Variants in SSPN observed in about 807,000 individuals in gnomAD.
The protein encoded by SSPN is K-ras oncogene-associated protein.
SSPN carries 15 observed loss-of-function variants against 19.1 expected under a neutral mutation model. The ratio of observed to expected loss-of-function variants is 0.78; its 90% CI spans 0.52 to 1.21. The LOEUF (loss-of-function observed/expected upper bound fraction) is 1.21. Ranked by LOEUF, SSPN falls within the 50% of genes most tolerant of loss-of-function variation. SSPN has a pLI of 0.00. For synonymous variants in SSPN, 147 were observed against 140.3 expected, an observed-to-expected ratio of 1.05 and a Z score of -0.34; for missense variants, 291 against 314.0, an observed-to-expected ratio of 0.93 and a Z score of 0.55.
At chr12:26,122,107 C>G (rs1459202755) in exon 1 of SSPN, 1 of 1,549,590 alleles carries the variant, frequency 6.5e-7, no homozygotes, top group Admixed American at 2.0e-5. Flanking sequence ...TCTTCCTGAG[C>G]AGAGCTCTCC....
rs373455398 is a variant in SSPN at position 26,224,244 on chromosome 12, C to T, written c.280-49C>T. ...GATACTGAGACTGATGTCATTTGAACGCACAACGTACCCTGATAACATCCT... is the reference window on the plus strand; with the variant it reads ...GATACTGAGACTGATGTCATTTGAATGCACAACGTACCCTGATAACATCCT... On this transcript the variant is annotated intron_variant, in intron 1 of 2. Coordinates refer to ENST00000242729, the MANE Select transcript of SSPN (RefSeq NM_005086.5). 31 of 1,342,888 alleles carry T rather than the reference C, an allele frequency of 2.3e-5. 1 individual carries two copies. Among genetic ancestry groups the T allele is most frequent in the South Asian group, 1.5e-4 (13 of 84,788 alleles). 83.2% of individuals were successfully genotyped at this position (1,342,888 alleles called of 1,614,324 possible). A position where few individuals can be genotyped will look rare whatever the true frequency, so the allele number is the denominator to read the frequency against.
chr12:26,185,969 A>G (rs943463967), intron 1 of SSPN, among the ~76,000 whole-genome samples: 1 of 152,212 alleles, frequency 6.6e-6, no homozygotes, highest in East Asian at 1.9e-4. Context: ...GTTGCTTGGC[A>G]ATATCAGGCA....
chr12:26,138,451 TA>T (rs1944441238), intron 1 of SSPN, among the ~76,000 whole-genome samples: 1 of 152,200 alleles, frequency 6.6e-6, no homozygotes, highest in Non-Finnish European at 1.5e-5. Flanking sequence ...ATTTTCTAGA[TA>T]GGGGCTATCC....
chr12:26,197,637 C>A (rs1189741611), intron 1 of SSPN, among the ~76,000 whole-genome samples: 1 of 152,168 alleles, frequency 6.6e-6, no homozygotes, highest in African/African-American at 2.4e-5. Flanking sequence ...AAGGCATGAA[C>A]ATAAAAACCA....
chr12:26,219,079 C>T (rs1376250715), intron 1 of SSPN, among the ~76,000 whole-genome samples: 6 of 152,012 alleles, frequency 3.9e-5, no homozygotes, highest in South Asian at 2.1e-4. Flanking sequence ...CACGATGAAA[C>T]GGGGGTAAGG....
At chr12:26,132,669 G>C (rs572545899) in intron 1 of SSPN, among the ~76,000 whole-genome samples, 1 of 152,172 alleles carries the variant, frequency 6.6e-6, no homozygotes, top group Admixed American at 6.5e-5. Context: ...GGGGATGCCT[G>C]TTCAACACCC....
At position 26,233,342 on chromosome 12, in the gene SSPN, A is replaced by C. The variant is rs1945254742; in HGVS notation, c.*2266A>C. The C allele has an allele frequency of 6.7e-6, 1 of 149,300 alleles. No homozygotes were observed. The highest frequency in any genetic ancestry group is 6.6e-5 in the Admixed American group (1 of 15,094). 9.2% of individuals were successfully genotyped at this position (149,300 alleles called of 1,614,324 possible). On this transcript the variant is annotated 3_prime_UTR_variant, in exon 3 of 3. Coordinates refer to ENST00000242729, the MANE Select transcript of SSPN (RefSeq NM_005086.5). The surrounding 1 kb of genome is among the most constrained non-coding windows in gnomAD (Gnocchi z 4.3). The stretch of plus-strand genomic sequence containing the variant: ...TATAACCGTCAGGAGATATATATAT[A>C]TATATATACACATACACACACACAC...
chr12:26,211,069 G>A (rs933531861), intron 1 of SSPN: 1 of 152,128 alleles, frequency 6.6e-6, no homozygotes, highest in Non-Finnish European at 1.5e-5. Context: ...GGTTGAAAGA[G>A]TAGTACCATT....
chr12:26,193,262 A>T (rs1359855930), upstream of SSPN, among the ~76,000 whole-genome samples: 13 of 152,192 alleles, frequency 8.5e-5, no homozygotes, highest in Admixed American at 8.5e-4. Context: ...AAAGCAGTTA[A>T]TCCTTTAGAC....
At chr12:26,124,873 T>C in intron 1 of SSPN, 1 of 1,230,778 alleles carries the variant, frequency 8.1e-7, no homozygotes, top group Non-Finnish European at 1.2e-6. Context: ...GGGGGATCTG[T>C]GCGTCTCCAG....
rs374250852 is a variant in SSPN, at chr12:26,172,217, G to A, written c.-31+50065G>A. ...GGGTAATAGATTCTGCTTATTCAGC[G>A]TAAAGTATACATTCACCTTAGAATT... On this transcript the variant is annotated intron_variant, in intron 1 of 2. Coordinates refer to the SSPN transcript ENST00000538142. Among the ~76,000 whole-genome samples the A allele has an allele frequency of 5.3e-5, 8 of 152,208 alleles. No homozygotes were observed. The South Asian group carries it at 8.3e-4, about 16-fold the overall frequency.
chr12:26,124,741 T>C lies in SSPN; in HGVS notation c.-31+2589T>C, dbSNP rs879149646. ...ACCCTATAAAATCTCTATGTTCCAG[T>C]AACTGTCTCTCTTGCAAATGAGGAA... On this transcript the variant is annotated intron_variant, in intron 1 of 2. Transcript: ENST00000538142. 3 of 1,614,220 alleles carry C rather than the reference T, an allele frequency of 1.9e-6. No homozygotes were observed. The South Asian group carries it at 3.3e-5, about 18-fold the overall frequency.
At chr12:26,177,795 G>A (rs904952588) in intron 1 of SSPN, among the ~76,000 whole-genome samples, 3 of 152,138 alleles carry the variant, frequency 2.0e-5, no homozygotes, top group African/African-American at 7.2e-5. Context: ...TTCTGTGCCG[G>A]CTGGCTCTTT....
intron 1 of SSPN, among the ~76,000 whole-genome samples, chr12:26,208,024 G>A (rs945769675): frequency 6.6e-6 from 1 of 151,002 alleles, no homozygotes; most frequent in East Asian, 2.0e-4. Flanking sequence ...GTGGTGGGGG[G>A]GGGGGATATA....
intron 1 of SSPN, chr12:26,123,621 C>G (rs1591839349): frequency 6.2e-7 from 1 of 1,603,812 alleles, no homozygotes; most frequent in Admixed American, 1.7e-5. Flanking sequence ...CCTCCCTGAA[C>G]TGACTTACCA....
chr12:26,217,758 C>T (rs1438625915), intron 1 of SSPN, among the ~76,000 whole-genome samples: 1 of 150,294 alleles, frequency 6.7e-6, no homozygotes, highest in Non-Finnish European at 1.5e-5. Flanking sequence ...CCATCAATAC[C>T]TAATTTATTG....
At chr12:26,153,049 T>C (rs940621315) in intron 1 of SSPN, among the ~76,000 whole-genome samples, 2 of 152,254 alleles carry the variant, frequency 1.3e-5, no homozygotes, top group Non-Finnish European at 2.9e-5. Flanking sequence ...GTTCAGGTTC[T>C]AGCTGAAGTA....
At chr12:26,133,403 G>C (rs1944407156) in intron 1 of SSPN, among the ~76,000 whole-genome samples, 1 of 151,974 alleles carries the variant, frequency 6.6e-6, no homozygotes. Context: ...CCACACTCCA[G>C]ACCAGGCCCC....
At chr12:26,129,170 C>T (rs959681387) in intron 1 of SSPN, among the ~76,000 whole-genome samples, 9 of 152,074 alleles carry the variant, frequency 5.9e-5, no homozygotes, top group South Asian at 4.2e-4. Context: ...TGCTTAGGGG[C>T]GTAGAGTCTC....
Sources: gnomAD v4.1 joint callset for allele counts (sites outside exome capture counted in the v4.1 genomes callset) on GRCh38, gnomAD v4.1.1 for gene constraint, Gnocchi (gnomAD v3.1) non-coding constraint, MANE v1.5 for transcripts, NCBI Gene and HGNC (gene_info 2026-07-23, HGNC 2026-07-21) for gene names.